The following C1orf185 variants were observed in gnomAD, a reference collection of about 807,000 sequenced individuals.
The protein encoded by C1orf185 is chromosome 1 open reading frame 185, also known as uncharacterized protein C1orf185.
A neutral mutation model predicts 16.1 loss-of-function variants in C1orf185; 13 were observed. The observed-to-expected ratio is 0.81, with a 90% CI of 0.53 to 1.28. The LOEUF (loss-of-function observed/expected upper bound fraction) is 1.28. Ranked by LOEUF, C1orf185 falls within the 50% of genes most tolerant of loss-of-function variation. The pLI is 0.00. For synonymous variants in C1orf185, 80 were observed against 76.9 expected (o/e 1.04, Z -0.21); for missense variants, 220 against 225.2 (o/e 0.98, Z 0.15).
chr1:51,110,039 T>G (rs1646104853), intron 1 of C1orf185, among the ~76,000 whole-genome samples: 1 of 152,228 alleles, frequency 6.6e-6, no homozygotes, highest in Non-Finnish European at 1.5e-5. Flanking sequence ...TCTAAAGATA[T>G]TCACTGCCTC....
intron 3 of C1orf185, among the ~76,000 whole-genome samples, chr1:51,138,240 T>A (rs1328442658): frequency 1.3e-5 from 2 of 152,130 alleles, no homozygotes; most frequent in Admixed American, 1.3e-4. Flanking sequence ...TAAAAAGAAA[T>A]CTTATTTATG....
chr1:51,104,068 T>A (rs1207120932), intron 1 of C1orf185, among the ~76,000 whole-genome samples: 1 of 152,198 alleles, frequency 6.6e-6, no homozygotes, highest in Non-Finnish European at 1.5e-5. Context: ...TGCATATATT[T>A]CATTATAGAT....
chr1:51,123,928 T>A (rs1038925035), intron 3 of C1orf185, among the ~76,000 whole-genome samples: 6 of 151,422 alleles, frequency 4.0e-5, no homozygotes, highest in Admixed American at 4.0e-4. Context: ...ATATATTTTA[T>A]ACACACATGT....
intron 1 of C1orf185, among the ~76,000 whole-genome samples, chr1:51,105,286 A>G (rs1477871384): frequency 2.0e-5 from 3 of 151,648 alleles, no homozygotes; most frequent in Non-Finnish European, 2.9e-5. Flanking sequence ...TCTTTGAATC[A>G]CCAATTCTTG....
intron 1 of C1orf185, among the ~76,000 whole-genome samples, chr1:51,103,448 C>CACACACACACAA (rs772356987): frequency 1.3e-5 from 2 of 149,886 alleles, no homozygotes; most frequent in East Asian, 2.0e-4. Flanking sequence ...CACACACACA[C>CACACACACACAA]AAAAACCACG....
chr1:51,119,321 G>A (rs1327365388), intron 3 of C1orf185, among the ~76,000 whole-genome samples: 3 of 152,150 alleles, frequency 2.0e-5, no homozygotes, highest in Non-Finnish European at 4.4e-5. Context: ...TATGGTAAGC[G>A]TCAACACAAT....
chr1:51,106,522 C>T (rs1316021380), intron 1 of C1orf185, among the ~76,000 whole-genome samples: 2 of 151,964 alleles, frequency 1.3e-5, no homozygotes, highest in Non-Finnish European at 2.9e-5. Context: ...TGCCTGTAGT[C>T]CTAGTTACTT....
At chr1:51,145,569 A>G in intron 3 of C1orf185, among the ~76,000 whole-genome samples, 155 bp from the exon 4 acceptor site, 1 of 152,110 alleles carries the variant, frequency 6.6e-6, no homozygotes, top group East Asian at 1.9e-4. Context: ...TTTTCTGTCA[A>G]TATATTTTGG....
chr1:51,122,351 T>C (rs761851958), intron 3 of C1orf185, among the ~76,000 whole-genome samples: 2 of 152,226 alleles, frequency 1.3e-5, no homozygotes, highest in Non-Finnish European at 2.9e-5. Flanking sequence ...CACAGATTAC[T>C]TCATATCTTC....
At chr1:51,103,304 G>A (rs1294947241) in intron 1 of C1orf185, among the ~76,000 whole-genome samples, 2 of 151,698 alleles carry the variant, frequency 1.3e-5, no homozygotes, top group Admixed American at 1.3e-4. Context: ...TACTTAGGAG[G>A]CTGAGGTGGG....
chr1:51,141,207 A>C lies in C1orf185; in HGVS notation c.259-4517A>C, dbSNP rs144559580. Among the ~76,000 whole-genome samples, 7 of 152,338 alleles carry C rather than the reference A, an allele frequency of 4.6e-5. No individual in the cohort carries two copies. In the East Asian group the frequency reaches 1.3e-3, roughly 29 times the overall value. On this transcript the variant is annotated intron_variant, in intron 3 of 4. Transcript: ENST00000371759. ...TGTACAGTGATATTAAGAAGAGATAAGGCCAGGGATGGTGGCTTATGTCTA... is the reference window on the plus strand; with the variant it reads ...TGTACAGTGATATTAAGAAGAGATACGGCCAGGGATGGTGGCTTATGTCTA...
chr1:51,144,129 A>C (rs776270812), intron 3 of C1orf185, among the ~76,000 whole-genome samples: 8 of 152,210 alleles, frequency 5.3e-5, no homozygotes, highest in Non-Finnish European at 8.8e-5. Context: ...GTAGAATTTT[A>C]ATCAGTCTAG....
intron 1 of C1orf185, among the ~76,000 whole-genome samples, chr1:51,106,644 GC>G (rs1290429040): frequency 6.6e-6 from 1 of 151,786 alleles, no homozygotes; most frequent in Middle Eastern, 3.2e-3. Context: ...GTCAGGCCTT[GC>G]CTCCAATACA....
At chr1:51,105,459 G>T (rs551535510) in intron 1 of C1orf185, among the ~76,000 whole-genome samples, 1 of 151,862 alleles carries the variant, frequency 6.6e-6, no homozygotes, top group Admixed American at 6.6e-5. Flanking sequence ...TAAAAAATAT[G>T]TATGTCCTTC....
chr1:51,141,884 T>G (rs916101238), intron 3 of C1orf185, among the ~76,000 whole-genome samples: 1 of 152,122 alleles, frequency 6.6e-6, no homozygotes, highest in African/African-American at 2.4e-5. Context: ...CAGGCTGGAG[T>G]GCAGTGGCAC....
chr1:51,137,127 C>T (rs1646331199), intron 3 of C1orf185, among the ~76,000 whole-genome samples: 1 of 152,094 alleles, frequency 6.6e-6, no homozygotes, highest in Non-Finnish European at 1.5e-5. Context: ...CAAAAGAAGA[C>T]ATGCATGTGG....
chr1:51,134,742 A>G (rs1334331862), intron 3 of C1orf185, among the ~76,000 whole-genome samples: 2 of 152,206 alleles, frequency 1.3e-5, no homozygotes, highest in Non-Finnish European at 2.9e-5. Context: ...CATAAACTAG[A>G]AAATCTAAAA....
intron 2 of C1orf185, among the ~76,000 whole-genome samples, chr1:51,115,558 C>T (rs1646151746): frequency 6.6e-6 from 1 of 152,092 alleles, no homozygotes. Flanking sequence ...TTTCACTTTT[C>T]TTAGGTAAAT....
At chr1:51,138,569 T>C (rs187508852) in intron 3 of C1orf185, among the ~76,000 whole-genome samples, 14 of 152,184 alleles carry the variant, frequency 9.2e-5, no homozygotes, top group Non-Finnish European at 1.5e-4. Context: ...ATTTTTTGTA[T>C]TGTTAGCAGA....
Sources: gnomAD v4.1 joint callset for allele counts (sites outside exome capture counted in the v4.1 genomes callset) on GRCh38, gnomAD v4.1.1 for gene constraint, MANE v1.5 for transcripts, NCBI Gene and HGNC (gene_info 2026-07-23, HGNC 2026-07-21) for gene names.